SPATA33: variants seen among roughly 807,000 people sequenced by gnomAD.
SPATA33 encodes spermatogenesis associated 33, also known as spermatogenesis-associated protein 33.
SPATA33 carries 10 observed loss-of-function variants against 8.9 expected under a neutral mutation model. The ratio of observed to expected loss-of-function variants is 1.12; its 90% CI spans 0.69 to 1.90. The LOEUF (loss-of-function observed/expected upper bound fraction) is 1.90, where lower values mean the gene tolerates loss of function less well. Ranked by LOEUF, SPATA33 falls within the 40% of genes most tolerant of loss-of-function variation. SPATA33 has a pLI of 0.00. For synonymous variants in SPATA33, 96 were observed against 72.8 expected (o/e 1.32, Z -1.63); for missense variants, 241 against 178.3 (o/e 1.35, Z -2.00).
At chr16:89,668,386 C>G (rs565538349) in intron 2 of SPATA33, among the ~76,000 whole-genome samples, 28 of 152,348 alleles carry the variant, frequency 1.8e-4, no homozygotes, top group Non-Finnish European at 3.7e-4. Context: ...CATCCAGGTT[C>G]GTGAGCTACC....
At chr16:89,660,794 A>G (rs1343480324) in intron 2 of SPATA33, 14 of 1,052,848 alleles carry the variant, frequency 1.3e-5, no homozygotes, top group African/African-American at 3.3e-5. Context: ...TTCGACCTGA[A>G]TCTGAACATG....
At chr16:89,662,590 A>AT (rs1248822129) in intron 2 of SPATA33, among the ~76,000 whole-genome samples, 19 of 150,988 alleles carry the variant, frequency 1.3e-4, no homozygotes, top group African/African-American at 3.7e-4. Context: ...CGCCCAGCTA[A>AT]TTTTTTTTGT....
Position 89,657,927 on chromosome 16 carries a change from A to G in SPATA33, c.16A>G (p.Ser6Gly), listed in dbSNP as rs1216551676. 6.6e-7 allele frequency: 1 copy of G among 1,518,358 alleles called. No individual in the cohort carries two copies. The highest frequency in any genetic ancestry group is 8.8e-7 in the Non-Finnish European group (1 of 1,140,234). The allele number at this position is 1,518,358 out of a possible 1,614,324, so 94.1% of individuals were successfully genotyped here. The change falls in exon 1 of 3, where the codon AGC becomes GGC. Residue 6 changes from serine to glycine, a missense_variant. Physicochemically the swap from Ser to Gly is moderately conservative, Grantham distance 56. Coordinates refer to ENST00000579310, the MANE Select transcript of SPATA33 (RefSeq NM_001271907.2). MGLSK[S>G]KEKPRKGEEQ... Reference sequence around the variant, plus strand: ...GGGCTCACCCATGGGCCTTTCCAAAAGCAAAGAGAAACCCAGGAAAGGTAA... The same window carrying G: ...GGGCTCACCCATGGGCCTTTCCAAAGGCAAAGAGAAACCCAGGAAAGGTAA...
rs560732593 is a variant in SPATA33, at chr16:89,665,555, C to G, written c.212-3731C>G. ...GGTCTTAATTTCCTGACCTCGTGAT[C>G]CGCCCGCATCGGCCTCCCAAGGTGC... On this transcript the variant is annotated intron_variant, in intron 2 of 2. Transcript: ENST00000579310. Among the ~76,000 whole-genome samples the G allele has an allele frequency of 2.0e-5, 3 of 151,638 alleles. No homozygotes were observed. In the South Asian group the frequency reaches 6.3e-4, roughly 32 times the overall value.
Position 89,657,954 on chromosome 16 carries a change from G to A in SPATA33, c.37+6G>A, listed in dbSNP as rs766504120. Reference sequence around the variant, plus strand: ...CAAAGAGAAACCCAGGAAAGGTAAAGGAGGCGCAGGCGCTGGGCTCCCCGC... The same window carrying A: ...CAAAGAGAAACCCAGGAAAGGTAAAAGAGGCGCAGGCGCTGGGCTCCCCGC... On this transcript the variant is annotated splice_donor_region_variant and intron_variant, in intron 1 of 2. Coordinates refer to ENST00000579310, the MANE Select transcript of SPATA33 (RefSeq NM_001271907.2). 1.3e-6 allele frequency: 2 copies of A among 1,514,056 alleles called. No homozygotes were observed. Among genetic ancestry groups the A allele is most frequent in the South Asian group, 2.4e-5 (2 of 81,758 alleles). 93.8% of individuals were successfully genotyped at this position (1,514,056 alleles called of 1,614,324 possible).
At chr16:89,668,884 T>C (rs571412825) in intron 2 of SPATA33, among the ~76,000 whole-genome samples, 3 of 152,228 alleles carry the variant, frequency 2.0e-5, no homozygotes, top group Non-Finnish European at 4.4e-5. Context: ...AACATTCTAA[T>C]GGATGAAGTT....
intron 2 of SPATA33, chr16:89,660,750 C>A: frequency 3.7e-6 from 3 of 812,736 alleles, no homozygotes; most frequent in Non-Finnish European, 4.9e-6. Context: ...CACAGCTGAG[C>A]ACAAGAGGAC....
At position 89,658,254 on chromosome 16, in the gene SPATA33, A is replaced by G. The variant is rs1264431177; in HGVS notation, c.44A>G (p.Glu15Gly). The G allele has an allele frequency of 1.2e-6, 2 of 1,614,162 alleles. No homozygotes were observed. The highest frequency in any genetic ancestry group is 2.2e-5 in the East Asian group (1 of 44,880). Residue 15 changes from glutamate to glycine, a missense_variant, in exon 2 of 3, where the codon GAG becomes GGG. Transcript: ENST00000579310. ...GATGATCCATATATTTCAGGTGAGG[A>G]GCAAAAGAAGGGATCCACCTATTCA... ...KSKEKPRKGEEQKKGSTYSVP... is the reference protein window; with the variant it reads ...KSKEKPRKGEGQKKGSTYSVP...
intron 2 of SPATA33, among the ~76,000 whole-genome samples, chr16:89,661,725 A>T (rs1285381474): frequency 6.6e-6 from 1 of 152,046 alleles, no homozygotes. Flanking sequence ...TTGAAAAAAA[A>T]GGAGGGGATG....
At chr16:89,657,999 G>A in intron 1 of SPATA33, 51 bp downstream of exon 1, 1 of 1,502,966 alleles carries the variant, frequency 6.7e-7, no homozygotes, top group Non-Finnish European at 8.8e-7. Context: ...CCTGGGCGCG[G>A]GCCCAGGGCG....
chr16:89,657,973 T>C, intron 1 of SPATA33, 25 bp downstream of exon 1: 1 of 1,505,212 alleles, frequency 6.6e-7, no homozygotes, highest in Non-Finnish European at 8.8e-7. Flanking sequence ...GGCGCTGGGC[T>C]CCCCGCGTCT....
At position 89,658,382 on chromosome 16, in the gene SPATA33, G is replaced by C; in HGVS notation, c.172G>C (p.Gly58Arg). The C allele has an allele frequency of 6.2e-7, 1 of 1,612,662 alleles. No individual in the cohort carries two copies. Among genetic ancestry groups the C allele is most frequent in the Non-Finnish European group, 8.5e-7 (1 of 1,179,722 alleles). Residue 58 changes from glycine to arginine, a missense_variant, in exon 2 of 3, where the codon GGG becomes CGG. Coordinates refer to ENST00000579310, the MANE Select transcript of SPATA33 (RefSeq NM_001271907.2). ...TGTGGACAGCCTCCACCCGGGGGCCGGGACAGCCAAGCACCCGCCGCCGGC... is the reference window on the plus strand; with the variant it reads ...TGTGGACAGCCTCCACCCGGGGGCCCGGACAGCCAAGCACCCGCCGCCGGC... Reference protein sequence around the residue: ...KPVDSLHPGAGTAKHPPPAAS... With the variant: ...KPVDSLHPGARTAKHPPPAAS...
Position 89,669,503 on chromosome 16 carries a change from C to T in SPATA33, c.*6C>T, listed in dbSNP as rs2060071305. On this transcript the variant is annotated 3_prime_UTR_variant, in exon 3 of 3. Transcript: ENST00000579310. ...ATTCACATCTCAAAGAATAAACAAG[C>T]ACCTTTGCATGGCACTCGCTACTCC... 2 of 1,612,058 alleles carry T rather than the reference C, an allele frequency of 1.2e-6. No individual in the cohort carries two copies. Among genetic ancestry groups the T allele is most frequent in the African/African-American group, 1.3e-5 (1 of 74,974 alleles).
intron 2 of SPATA33, among the ~76,000 whole-genome samples, chr16:89,663,949 T>G (rs1429625913): frequency 6.6e-6 from 1 of 152,140 alleles, no homozygotes; most frequent in Non-Finnish European, 1.5e-5. Flanking sequence ...TGAAACCTGA[T>G]TTTTACAAAA....
chr16:89,659,023 C>G (rs1370623742), intron 2 of SPATA33: 2 of 152,986 alleles, frequency 1.3e-5, no homozygotes, highest in Non-Finnish European at 2.9e-5. Flanking sequence ...GGAGGTGCTG[C>G]CTGGGGCGGT....
intron 2 of SPATA33, among the ~76,000 whole-genome samples, chr16:89,662,890 T>G (rs1597804137): frequency 6.6e-6 from 1 of 152,022 alleles, no homozygotes; most frequent in Non-Finnish European, 1.5e-5. Context: ...GCCTCCCGGG[T>G]TCAAGCAATT....
chr16:89,668,298 C>T (rs1346716386), intron 2 of SPATA33, among the ~76,000 whole-genome samples: 1 of 152,148 alleles, frequency 6.6e-6, no homozygotes, highest in East Asian at 1.9e-4. Flanking sequence ...GGTGACAGAG[C>T]GAGACTCCGT....
intron 2 of SPATA33, chr16:89,661,135 GAGA>G: frequency 2.0e-6 from 2 of 985,462 alleles, no homozygotes; most frequent in Non-Finnish European, 2.4e-6. Context: ...AAGCAGTAGT[GAGA>G]AGAACAGAAG....
chr16:89,657,787 C>A (rs1597797082), upstream of SPATA33: 2 of 1,456,362 alleles, frequency 1.4e-6, no homozygotes, highest in Non-Finnish European at 9.0e-7. Flanking sequence ...CGCGGCTGCG[C>A]GGCGCGCGGT....
Sources: gnomAD v4.1 joint callset for allele counts (sites outside exome capture counted in the v4.1 genomes callset) on GRCh38, gnomAD v4.1.1 for gene constraint, MANE v1.5 for transcripts, NCBI Gene and HGNC (gene_info 2026-07-23, HGNC 2026-07-21) for gene names.